The following MYO5B variants were observed in gnomAD, a reference collection of about 807,000 sequenced individuals.
MYO5B encodes the protein unconventional myosin-Vb.
A neutral mutation model predicts 229.3 loss-of-function variants in MYO5B; 143 were observed. The ratio of observed to expected loss-of-function variants is 0.62; its 90% CI spans 0.54 to 0.72. MYO5B has a LOEUF of 0.72. Among genes scored for constraint, MYO5B ranks in the 30% least tolerant of loss-of-function variants. MYO5B has a pLI of 0.00. For missense variants in MYO5B, 2,321 were observed against 2,331.0 expected (o/e 1.00, Z 0.09); for synonymous variants, 918 against 885.2 (o/e 1.04, Z -0.66).
At chr18:49,833,742 TC>T (rs1262843494) in intron 39 of MYO5B, among the ~76,000 whole-genome samples, 1 of 152,162 alleles carries the variant, frequency 6.6e-6, no homozygotes, top group Non-Finnish European at 1.5e-5. Context: ...TTATCAGCCC[TC>T]CATAAAAATC....
chr18:50,094,767 G>C (rs1262024536), intron 1 of MYO5B, among the ~76,000 whole-genome samples: 1 of 152,148 alleles, frequency 6.6e-6, no homozygotes, highest in African/African-American at 2.4e-5. Context: ...TCTTTGTGTA[G>C]CCATTAGGCC....
chr18:49,933,213 C>A (rs1419004213), intron 16 of MYO5B, among the ~76,000 whole-genome samples: 1 of 152,188 alleles, frequency 6.6e-6, no homozygotes, highest in Non-Finnish European at 1.5e-5. Context: ...CCTGGGCTGG[C>A]CTTCGGAAAA....
chr18:49,839,052 T>A, intron 36 of MYO5B, 92 bp downstream of exon 36: 19 of 1,516,284 alleles, frequency 1.3e-5, no homozygotes, highest in Non-Finnish European at 1.7e-5. Flanking sequence ...GGCTAAGATA[T>A]CTGGTTCCCG....
intron 1 of MYO5B, among the ~76,000 whole-genome samples, chr18:50,058,735 C>T (rs531502930): frequency 8.5e-5 from 13 of 152,054 alleles, no homozygotes; most frequent in Non-Finnish European, 1.3e-4. Context: ...CGCTTGAGTC[C>T]GGGAGGCGGA....
In MYO5B at chr18:49,835,438, A is replaced by T; in HGVS notation, c.5314-14T>A. The T allele has an allele frequency of 6.3e-7, 1 of 1,575,414 alleles. No individual in the cohort carries two copies. Among genetic ancestry groups the T allele is most frequent in the Non-Finnish European group, 8.7e-7 (1 of 1,144,890 alleles). On this transcript the variant is annotated splice_polypyrimidine_tract_variant and intron_variant, in intron 38 of 39. Coordinates refer to ENST00000285039, the MANE Select transcript of MYO5B (RefSeq NM_001080467.3). ...AATTTTGACAATCTGTTGGGGATAAAAACGGAATTTAGCACAGAGCTAAAT... is the reference window on the plus strand; with the variant it reads ...AATTTTGACAATCTGTTGGGGATAATAACGGAATTTAGCACAGAGCTAAAT...
chr18:49,839,400 T>TG, intron 35 of MYO5B, 106 bp from the exon 36 acceptor site: 21 of 1,258,214 alleles, frequency 1.7e-5, no homozygotes, highest in Non-Finnish European at 2.3e-5. Flanking sequence ...GCAGGGGGCC[T>TG]ACTCAGGCCC....
At chr18:50,001,043 A>C (rs2026041072) in intron 5 of MYO5B, among the ~76,000 whole-genome samples, 1 of 151,564 alleles carries the variant, frequency 6.6e-6, no homozygotes, top group African/African-American at 2.4e-5. Flanking sequence ...CATGGAGAAT[A>C]TGAGGACACT....
At chr18:49,949,260 C>T (rs1418835493) in intron 14 of MYO5B, among the ~76,000 whole-genome samples, 2 of 151,978 alleles carry the variant, frequency 1.3e-5, no homozygotes, top group African/African-American at 4.8e-5. Flanking sequence ...AAACATTCTC[C>T]TTTTAAAGTT....
intron 27 of MYO5B, among the ~76,000 whole-genome samples, chr18:49,864,646 C>T (rs1342839108): frequency 6.6e-6 from 1 of 152,266 alleles, no homozygotes; most frequent in Non-Finnish European, 1.5e-5. Context: ...GTTCGTGTTG[C>T]TAAACATGTT....
intron 12 of MYO5B, among the ~76,000 whole-genome samples, chr18:49,959,180 T>C (rs992607393): frequency 6.6e-6 from 1 of 152,216 alleles, no homozygotes; most frequent in Non-Finnish European, 1.5e-5. Flanking sequence ...CCCACGACGC[T>C]CTTCCTTCTG....
chr18:50,148,243 T>C (rs2032537100), intron 1 of MYO5B, among the ~76,000 whole-genome samples: 1 of 150,068 alleles, frequency 6.7e-6, no homozygotes, highest in Non-Finnish European at 1.5e-5. Flanking sequence ...ACAGCCGAAT[T>C]CTACCAGAGG....
chr18:50,092,441 G>A (rs1568103424), intron 1 of MYO5B, among the ~76,000 whole-genome samples: 1 of 152,218 alleles, frequency 6.6e-6, no homozygotes, highest in Non-Finnish European at 1.5e-5. Flanking sequence ...CCATCCTGCT[G>A]CTGCTGCTGC....
intron 1 of MYO5B, among the ~76,000 whole-genome samples, chr18:50,113,201 G>A (rs192193951): frequency 4.0e-5 from 6 of 151,786 alleles, no homozygotes; most frequent in Admixed American, 2.0e-4. Flanking sequence ...AGTCAGCATT[G>A]TTCTAAGTAC....
chr18:50,007,277 C>G (rs895320124), intron 4 of MYO5B, among the ~76,000 whole-genome samples: 1 of 152,210 alleles, frequency 6.6e-6, no homozygotes, highest in Non-Finnish European at 1.5e-5. Context: ...CTAAGAGGCA[C>G]TGGGGATTTC....
chr18:50,152,530 A>G (rs1364031564), intron 1 of MYO5B, among the ~76,000 whole-genome samples: 3 of 152,216 alleles, frequency 2.0e-5, no homozygotes, highest in Non-Finnish European at 2.9e-5. Context: ...GTACCAGAAG[A>G]GAGTTTGAAA....
intron 1 of MYO5B, among the ~76,000 whole-genome samples, chr18:50,172,707 A>G (rs1218137982): frequency 6.6e-6 from 1 of 152,212 alleles, no homozygotes; most frequent in Non-Finnish European, 1.5e-5. Context: ...AGTGAACAGG[A>G]CAAGTGCTGC....
chr18:49,982,260 G>C (rs534982009), intron 8 of MYO5B, among the ~76,000 whole-genome samples: 5 of 152,106 alleles, frequency 3.3e-5, no homozygotes, highest in African/African-American at 1.2e-4. Flanking sequence ...GTAGAGACAG[G>C]GTCTCCCGTG....
intron 35 of MYO5B, 136 bp downstream of exon 35, chr18:49,841,229 G>A (rs1294957061): frequency 6.1e-6 from 5 of 818,824 alleles, no homozygotes; most frequent in Non-Finnish European, 1.0e-5. Context: ...CACGAGGCAT[G>A]ATAAGGTGTG....
intron 1 of MYO5B, among the ~76,000 whole-genome samples, chr18:50,176,019 A>T (rs1385443240): frequency 6.6e-6 from 1 of 152,246 alleles, no homozygotes; most frequent in African/African-American, 2.4e-5. Flanking sequence ...CTAGACTATA[A>T]GTCCTGGATC....
Sources: gnomAD v4.1 joint callset for allele counts (sites outside exome capture counted in the v4.1 genomes callset) on GRCh38, gnomAD v4.1.1 for gene constraint, MANE v1.5 for transcripts, NCBI Gene and HGNC (gene_info 2026-07-23, HGNC 2026-07-21) for gene names.